FNBP1: variants seen among roughly 807,000 people sequenced by gnomAD.
The protein encoded by FNBP1 is formin binding protein 1.
A neutral mutation model predicts 90.6 loss-of-function variants in FNBP1; 26 were observed. The observed-to-expected ratio is 0.29, with a 90% CI of 0.21 to 0.40. The LOEUF (loss-of-function observed/expected upper bound fraction) is 0.40. Ranked by LOEUF, FNBP1 falls within the 10% of genes least tolerant of loss-of-function variation. FNBP1 has a pLI of 1.00. For missense variants in FNBP1, 635 were observed against 768.0 expected (o/e 0.83, Z 2.05); for synonymous variants, 260 against 265.2 (o/e 0.98, Z 0.19).
chr9:129,982,668 T>G (rs1176587262), intron 2 of FNBP1, among the ~76,000 whole-genome samples: 1 of 152,148 alleles, frequency 6.6e-6, no homozygotes. Flanking sequence ...ATTTTTTATT[T>G]TAATTTTTTT....
intron 16 of FNBP1, among the ~76,000 whole-genome samples, chr9:129,893,078 G>T (rs1564243347): frequency 6.6e-6 from 1 of 152,088 alleles, no homozygotes; most frequent in Non-Finnish European, 1.5e-5. Context: ...AGTTTGCTTT[G>T]TCCAGGAGTT....
At chr9:129,965,827 G>T (rs1203440443) in intron 4 of FNBP1, among the ~76,000 whole-genome samples, 1 of 149,340 alleles carries the variant, frequency 6.7e-6, no homozygotes, top group Non-Finnish European at 1.5e-5. Context: ...GAGGAAGGAA[G>T]GAAGGAAGGA....
intron 1 of FNBP1, among the ~76,000 whole-genome samples, chr9:130,040,103 A>G (rs753477319): frequency 3.3e-5 from 5 of 152,078 alleles, no homozygotes; most frequent in Non-Finnish European, 5.9e-5. Flanking sequence ...TGTACCGCAC[A>G]TCACCAAGTC....
intron 1 of FNBP1, among the ~76,000 whole-genome samples, chr9:130,024,589 T>C (rs1463925898): frequency 1.3e-5 from 2 of 152,200 alleles, no homozygotes; most frequent in Admixed American, 6.5e-5. Flanking sequence ...AGAAAGTCTT[T>C]ATCCCACCCA....
chr9:129,963,400 C>G (rs1439136304), intron 4 of FNBP1, among the ~76,000 whole-genome samples: 1 of 152,126 alleles, frequency 6.6e-6, no homozygotes, highest in Non-Finnish European at 1.5e-5. Flanking sequence ...GAGTGGTTCC[C>G]TTGCCACTCC....
intron 12 of FNBP1, among the ~76,000 whole-genome samples, chr9:129,903,510 T>C (rs72757236): frequency 0.015 from 2,339 of 152,318 alleles, 40 homozygotes; most frequent in South Asian, 0.061. Flanking sequence ...ATAAAGAAGC[T>C]GATTTTTCAA....
intron 10 of FNBP1, 28 bp from the exon 11 acceptor site, chr9:129,916,008 GA>G: frequency 1.9e-6 from 3 of 1,547,392 alleles, no homozygotes; most frequent in Non-Finnish European, 2.7e-6. Context: ...AGAGGTATGG[GA>G]AAAATAGAGA....
rs531309486 is a variant in FNBP1, at chr9:129,957,342, C to G, written c.513+18G>C. 1.5e-5 allele frequency: 23 copies of G among 1,581,746 alleles called. No homozygotes were observed. In the South Asian group the frequency reaches 2.4e-4, roughly 17 times the overall value. The stretch of plus-strand genomic sequence containing the variant: ...CGTGAGCCACCGTGCCCGGCCCACA[C>G]TTGAGCTTTCACCTCACCTTTTCAA... On this transcript the variant is annotated intron_variant, in intron 6 of 16. Coordinates refer to ENST00000446176, the MANE Select transcript of FNBP1 (RefSeq NM_015033.3). The surrounding 1 kb of genome is among the most constrained non-coding windows in gnomAD (Gnocchi z 4.3).
intron 1 of FNBP1, among the ~76,000 whole-genome samples, chr9:129,996,786 CA>C (rs949610380): frequency 2.0e-5 from 3 of 152,054 alleles, no homozygotes; most frequent in Non-Finnish European, 4.4e-5. Flanking sequence ...TGCTGCCTCC[CA>C]GACTCAAGTG....
the FNBP1 span, among the ~76,000 whole-genome samples, chr9:130,051,687 C>CA: frequency 6.6e-6 from 1 of 152,124 alleles, no homozygotes. Context: ...TACTGGCGCA[C>CA]ACCTGTGGTC....
intron 1 of FNBP1, among the ~76,000 whole-genome samples, chr9:130,027,365 TTGAA>T (rs1485093907): frequency 1.3e-5 from 2 of 152,222 alleles, no homozygotes; most frequent in Admixed American, 6.5e-5. Flanking sequence ...ATAAAACTCT[TTGAA>T]TGTTCCTCAA....
At chr9:129,975,177 C>A (rs950920134) in intron 4 of FNBP1, among the ~76,000 whole-genome samples, 1 of 152,180 alleles carries the variant, frequency 6.6e-6, no homozygotes, top group Non-Finnish European at 1.5e-5. Flanking sequence ...CGAGTTTGTG[C>A]AACTGCACTC....
In FNBP1 at chr9:129,978,610, T is replaced by C; in HGVS notation, c.200A>G (p.Tyr67Cys). 1 of 1,613,812 alleles carries C rather than the reference T, an allele frequency of 6.2e-7. No individual in the cohort carries two copies. Among genetic ancestry groups the C allele is most frequent in the Non-Finnish European group, 8.5e-7 (1 of 1,179,792 alleles). ...KNSKEEEEYK[Y>C]TSCKAFISNL... ...GGAAATGAAAGCTTTACATGACGTATACCTATGGAACAGAACACACGCCAC... is the reference window on the plus strand; with the variant it reads ...GGAAATGAAAGCTTTACATGACGTACACCTATGGAACAGAACACACGCCAC... Residue 67 changes from tyrosine to cysteine, a missense_variant and splice_region_variant, in exon 4 of 17, where the codon TAT becomes TGT. By Grantham distance (194) the Tyr-to-Cys change is radical. Coordinates refer to ENST00000446176, the MANE Select transcript of FNBP1 (RefSeq NM_015033.3).
chr9:129,895,748 A>G, intron 16 of FNBP1, 90 bp downstream of exon 16: 1 of 1,419,778 alleles, frequency 7.0e-7, no homozygotes, highest in Non-Finnish European at 9.2e-7. Context: ...CTCTTGAGGA[A>G]CTGCCTGTAA....
intron 6 of FNBP1, among the ~76,000 whole-genome samples, chr9:129,953,491 G>GA (rs1323568286): frequency 6.6e-6 from 1 of 150,518 alleles, no homozygotes; most frequent in Non-Finnish European, 1.5e-5. Flanking sequence ...CTACGTCTCA[G>GA]AAAAAATAAA....
At chr9:129,896,113 C>T (rs1056854607) in intron 15 of FNBP1, 117 bp from the exon 16 acceptor site, 2 of 1,030,372 alleles carry the variant, frequency 1.9e-6, no homozygotes, top group African/African-American at 1.6e-5. Context: ...AAAATTCACC[C>T]CACTCGGACC....
At chr9:130,018,787 A>G (rs2057515861) in intron 1 of FNBP1, among the ~76,000 whole-genome samples, 1 of 152,210 alleles carries the variant, frequency 6.6e-6, no homozygotes, top group African/African-American at 2.4e-5. Flanking sequence ...CATAAAAAAT[A>G]AGAATATAGT....
intron 5 of FNBP1, among the ~76,000 whole-genome samples, chr9:129,958,205 G>A (rs2047232841): frequency 6.6e-6 from 1 of 152,018 alleles, no homozygotes; most frequent in Non-Finnish European, 1.5e-5. Context: ...GCCGAGGTGG[G>A]CGAATCACTT....
intron 10 of FNBP1, among the ~76,000 whole-genome samples, chr9:129,921,936 T>C (rs952806547): frequency 6.6e-6 from 1 of 152,092 alleles, no homozygotes; most frequent in Non-Finnish European, 1.5e-5. Flanking sequence ...CCAGGTACTA[T>C]TTGGAAAGAA....
Sources: allele counts gnomAD v4.1 joint callset (sites outside exome capture counted in the v4.1 genomes callset), GRCh38; gene constraint gnomAD v4.1.1; non-coding constraint Gnocchi (gnomAD v3.1); transcripts MANE v1.5; gene names NCBI Gene and HGNC (gene_info 2026-07-23, HGNC 2026-07-21).